Variants in FTSJ3 observed in about 807,000 individuals in gnomAD.
FTSJ3 encodes the protein FtsJ RNA 2'-O-methyltransferase 3.
FTSJ3 carries 46 observed loss-of-function variants against 111.5 expected under a neutral mutation model. The ratio of observed to expected loss-of-function variants is 0.41; its 90% CI spans 0.33 to 0.53. FTSJ3 has a LOEUF of 0.53. Ranked by LOEUF, FTSJ3 falls within the 20% of genes least tolerant of loss-of-function variation. The probability of loss-of-function intolerance (pLI) is 0.19; values close to 1 mark genes in which losing one functional copy is unlikely to be tolerated. For synonymous variants in FTSJ3, 408 were observed against 383.0 expected (o/e 1.07, Z -0.76); for missense variants, 1,075 against 1,063.8 (o/e 1.01, Z -0.15).
In FTSJ3 at chr17:63,827,042, C is replaced by G; in HGVS notation, c.-27+10G>C. ...AGCAATTCCACCCCGCGCCCCTCTC[C>G]GCACACTACCTAGACCCAGAGCCGC... is the stretch of plus-strand genomic sequence containing the variant. On this transcript the variant is annotated intron_variant, in intron 1 of 20. Transcript: ENST00000427159. 1 of 791,828 alleles carries G rather than the reference C, an allele frequency of 1.3e-6. No individual in the cohort carries two copies. The highest frequency in any genetic ancestry group is 1.5e-5 in the South Asian group (1 of 67,394). The allele number at this position is 791,828 out of a possible 1,614,324, so 49.1% of individuals were successfully genotyped here. A position where few individuals can be genotyped will look rare whatever the true frequency, so the allele number is the denominator to read the frequency against.
chr17:63,821,619 C>T lies in FTSJ3; in HGVS notation c.1621G>A (p.Asp541Asn), dbSNP rs2040052560. 2.5e-6 allele frequency: 4 copies of T among 1,613,062 alleles called. No homozygotes were observed. Among genetic ancestry groups the T allele is most frequent in the South Asian group, 1.1e-5 (1 of 91,066 alleles). ...SKGSFAGIED[D>N]ADEALEISQA... ...CTGATCTCCAGGGCCTCATCGGCAT[C>T]GTCCTCGATCCCAGCAAAGCTGCCC... is the stretch of plus-strand genomic sequence containing the variant. Residue 541 changes from aspartate to asparagine, a missense_variant, in exon 16 of 21, where the codon GAT becomes AAT. Physicochemically the swap from Asp to Asn is conservative, Grantham distance 23. This residue lies in a region of FTSJ3 where 867 missense variants were observed against 796.9 expected (regional missense o/e 1.09). Coordinates refer to ENST00000427159, the MANE Select transcript of FTSJ3 (RefSeq NM_017647.4).
rs780368303 is a variant in FTSJ3 at position 63,826,875 on chromosome 17, T to C, written c.28A>G (p.Ser10Gly). Residue 10 changes from serine (S) to glycine (G), a missense_variant, in exon 2 of 21, where the codon AGC becomes GGC. This residue lies in a region of FTSJ3 where 208 missense variants were observed against 266.9 expected (regional missense o/e 0.78). Transcript: ENST00000427159. ...AAGTGATAAAACTTGTCTCGTCGGCTCTTGCCAACTTTGCCCTTCTTGCCC... is the reference window on the plus strand; with the variant it reads ...AAGTGATAAAACTTGTCTCGTCGGCCCTTGCCAACTTTGCCCTTCTTGCCC... MGKKGKVGK[S>G]RRDKFYHLAK... 4 of 1,614,110 alleles carry C rather than the reference T, an allele frequency of 2.5e-6. No homozygotes were observed. Among genetic ancestry groups the C allele is most frequent in the Non-Finnish European group, 3.4e-6 (4 of 1,180,012 alleles).
rs1411155417 is a variant in FTSJ3, at chr17:63,821,461, C to T, written c.1779G>A (p.Lys593=). The change falls in exon 16 of 21, where the codon AAG becomes AAA. Residue 593 remains lysine (K), a synonymous_variant. Transcript: ENST00000427159. ...MSPLYQDEAP[K]GTEASSGTEA... is the part of the protein sequence containing the mutation. ...CTGTCCCCGAAGAAGCCTCTGTTCCCTTAGGGGCTTCATCTTGGTACAGGG... is the reference window on the plus strand; with the variant it reads ...CTGTCCCCGAAGAAGCCTCTGTTCCTTTAGGGGCTTCATCTTGGTACAGGG... 2 of 1,614,228 alleles carry T rather than the reference C, an allele frequency of 1.2e-6. No individual in the cohort carries two copies. The highest frequency in any genetic ancestry group is 8.5e-7 in the Non-Finnish European group (1 of 1,180,048).
Position 63,821,804 on chromosome 17 carries a change from C to T in FTSJ3, c.1515G>A (p.Glu505=). Reference sequence around the variant, plus strand: ...GTACCAGCAGTGGATTCTCCTCCTCCTCCTCCTCTTTATCATCTTGCACTT... The same window carrying T: ...GTACCAGCAGTGGATTCTCCTCCTCTTCCTCCTCTTTATCATCTTGCACTT... ...LTEVQDDKEE[E]EEENPLLVPL... The change falls in exon 15 of 21, where the codon GAG becomes GAA. Residue 505 remains glutamate (E), a synonymous_variant. Transcript: ENST00000427159. 6.2e-7 allele frequency: 1 copy of T among 1,614,158 alleles called. No individual in the cohort carries two copies. Among genetic ancestry groups the T allele is most frequent in the African/African-American group, 1.3e-5 (1 of 75,050 alleles).
Position 63,819,820 on chromosome 17 carries a change from T to C in FTSJ3, c.2526A>G (p.Lys842=), listed in dbSNP as rs1222025135. 1.2e-6 allele frequency: 2 copies of C among 1,613,016 alleles called. No individual in the cohort carries two copies. Residue 842 remains lysine (K), a synonymous_variant, in exon 21 of 21, where the codon AAA becomes AAG. Transcript: ENST00000427159. ...QRAQQRKEQK[K]KHKRK is the part of the protein sequence containing the mutation. ...GCTCTGCTTACTTCCGTTTGTGTTT[T>C]TTCTTTTGTTCCTTACGTTGCTGTG...
chr17:63,826,741 C>A lies in FTSJ3; in HGVS notation c.68-69G>T, dbSNP rs745880132. On this transcript the variant is annotated intron_variant, in intron 2 of 20. Coordinates refer to ENST00000427159, the MANE Select transcript of FTSJ3 (RefSeq NM_017647.4). ...TTTCTCCGGCCTCGCAACCGACCAC[C>A]CCTTCTGCAGGAGAGGTACATAATG... 5.5e-5 allele frequency: 85 copies of A among 1,550,056 alleles called. 1 individual carries two copies. Among genetic ancestry groups the A allele is most frequent in the Admixed American group, 3.5e-4 (21 of 59,814 alleles).
chr17:63,822,145 C>G lies in FTSJ3; in HGVS notation c.1314G>C (p.Gly438=), dbSNP rs778433279. 1.9e-6 allele frequency: 3 copies of G among 1,613,964 alleles called. No homozygotes were observed. Among genetic ancestry groups the G allele is most frequent in the South Asian group, 2.2e-5 (2 of 91,054 alleles). The change falls in exon 14 of 21, where the codon GGG becomes GGC. Residue 438 remains glycine, a synonymous_variant. Coordinates refer to ENST00000427159, the MANE Select transcript of FTSJ3 (RefSeq NM_017647.4). The part of the protein sequence containing the change: ...GHQLLEEVTQ[G]DMSAADTFLS... ...GAAATGTGTCTGCTGCACTCATATC[C>G]CCTTGTGTTACTTCCTCTAATAACT...
In FTSJ3 at chr17:63,821,135, C is replaced by CTG. The variant is rs1567751528; in HGVS notation, c.1887-22_1887-21dup. The CTG allele has an allele frequency of 6.2e-7, 1 of 1,611,976 alleles. No homozygotes were observed. The highest frequency in any genetic ancestry group is 8.5e-7 in the Non-Finnish European group (1 of 1,178,264). On this transcript the variant is annotated intron_variant, in intron 16 of 20. Transcript: ENST00000427159. ...TCCCAGCTGTGAAGAGGGGAGGACT[C>CTG]TGAGTGATTCCACCACTCTGTACTA...
At position 63,827,207 on chromosome 17, in the gene FTSJ3, G is replaced by C; in HGVS notation, c.-182C>G. 1.7e-6 allele frequency: 1 copy of C among 605,280 alleles called. No individual in the cohort carries two copies. The highest frequency in any genetic ancestry group is 1.9e-5 in the African/African-American group (1 of 54,034). 37.5% of individuals were successfully genotyped at this position (605,280 alleles called of 1,614,324 possible). On this transcript the variant is annotated 5_prime_UTR_variant, in exon 1 of 21. Coordinates refer to ENST00000427159, the MANE Select transcript of FTSJ3 (RefSeq NM_017647.4). ...TCTCAATACTCTGTCCTTGGGTTTT[G>C]TAAGTTGAAAGTTGAGACTAGGAAG... is the stretch of plus-strand genomic sequence containing the variant.
In FTSJ3 at chr17:63,821,357, T is replaced by C. The variant is rs200943728; in HGVS notation, c.1883A>G (p.Glu628Gly). The C allele has an allele frequency of 6.2e-7, 1 of 1,603,910 alleles. No homozygotes were observed. The highest frequency in any genetic ancestry group is 2.2e-5 in the East Asian group (1 of 44,726). The change falls in exon 16 of 21, where the codon GAG becomes GGG. Residue 628 changes from glutamate to glycine, a missense_variant. Physicochemically the swap from Glu to Gly is moderately conservative, Grantham distance 98. Coordinates refer to ENST00000427159, the MANE Select transcript of FTSJ3 (RefSeq NM_017647.4). ...SDSSTSSEEE[E>G]SWEPLRGKKR... ...TCTCTCAGCTGCAACTACTCACCTC[T>C]CTTCTTCCTCACTGCTAGTACTGCT...
At chr17:63,825,790 C>T (rs1364628808) in intron 5 of FTSJ3, 155 bp from the exon 6 acceptor site, 2 of 664,922 alleles carry the variant, frequency 3.0e-6, no homozygotes, top group East Asian at 2.7e-5. Flanking sequence ...TATGTCTCTA[C>T]CTTCATGGAG....
At chr17:63,826,454 GC>G (rs914552612) in intron 3 of FTSJ3, 112 bp downstream of exon 3, 1 of 1,168,674 alleles carries the variant, frequency 8.6e-7, no homozygotes, top group Non-Finnish European at 1.3e-6. Flanking sequence ...AAAGGAAACG[GC>G]CCCCAAGAGG....
At chr17:63,826,995 C>T in intron 1 of FTSJ3, 57 bp downstream of exon 1, 1 of 985,888 alleles carries the variant, frequency 1.0e-6, no homozygotes, top group Non-Finnish European at 1.6e-6. Context: ...CAGTTTCCCA[C>T]TTCCAGTTTC....
intron 5 of FTSJ3, 117 bp from the exon 6 acceptor site, chr17:63,825,752 C>T (rs2040092793): frequency 2.5e-6 from 2 of 814,662 alleles, no homozygotes; most frequent in Non-Finnish European, 2.0e-6. Flanking sequence ...GTACCAGGCA[C>T]AGGAGATACA....
At chr17:63,826,487 C>T (rs2040105552) in intron 3 of FTSJ3, 80 bp downstream of exon 3, 1 of 1,307,498 alleles carries the variant, frequency 7.6e-7, no homozygotes, top group Middle Eastern at 2.4e-4. Context: ...GGTTCCCCTC[C>T]CGCAGTGAAA....
intron 1 of FTSJ3, 43 bp from the exon 2 acceptor site, chr17:63,826,971 C>G: frequency 7.5e-7 from 1 of 1,331,860 alleles, no homozygotes; most frequent in Non-Finnish European, 1.1e-6. Flanking sequence ...TTCCGGAGCA[C>G]CAGATTCCAC....
Position 63,825,315 on chromosome 17 carries a change from C to G in FTSJ3, c.522G>C (p.Leu174=). Residue 174 remains leucine, a synonymous_variant, in exon 7 of 21, where the codon CTG becomes CTC. Transcript: ENST00000427159. ...YQPLLWIFQQ[L]FRRVQATKPQ... The stretch of plus-strand genomic sequence containing the variant: ...GCTTGGTGGCCTGGACACGGCGGAA[C>G]AGCTGCTGAAAGATCCATAGCAGAG... 1 of 1,614,170 alleles carries G rather than the reference C, an allele frequency of 6.2e-7. No individual in the cohort carries two copies.
In FTSJ3 at chr17:63,826,343, C is replaced by T. The variant is rs769055663; in HGVS notation, c.174-39G>A. 3.1e-6 allele frequency: 5 copies of T among 1,600,444 alleles called. No homozygotes were observed. In the South Asian group the frequency reaches 4.4e-5, roughly 14 times the overall value. On this transcript the variant is annotated intron_variant, in intron 3 of 20. Transcript: ENST00000427159. ...AGAAATTTAAAAACCTAGAGCCATC[C>T]TTTTCCCCCTCTTGGCAACTGATCT... is the stretch of plus-strand genomic sequence containing the variant.
At chr17:63,824,037 C>A in intron 12 of FTSJ3, 47 bp downstream of exon 12, 1 of 1,613,764 alleles carries the variant, frequency 6.2e-7, no homozygotes, top group South Asian at 1.1e-5. Flanking sequence ...CATCTTCACA[C>A]AGTCCCTGCG....
Sources: gnomAD v4.1 joint callset for allele counts on GRCh38, gnomAD v4.1.1 for gene constraint, gnomAD v4.1.1 regional missense constraint, MANE v1.5 for transcripts, NCBI Gene and HGNC (gene_info 2026-07-23, HGNC 2026-07-21) for gene names.